The following CDH9 variants were observed in gnomAD, a reference collection of about 807,000 sequenced individuals.
CDH9 encodes the protein cadherin 9.
A neutral mutation model predicts 70.9 loss-of-function variants in CDH9; 28 were observed. The observed-to-expected ratio is 0.40, with a 90% CI of 0.29 to 0.54. CDH9 has a LOEUF of 0.54. CDH9 is among the 20% of genes least tolerant of loss of function. The probability of loss-of-function intolerance (pLI) is 0.59; values close to 1 mark genes in which losing one functional copy is unlikely to be tolerated. For synonymous variants in CDH9, 409 were observed against 343.1 expected (o/e 1.19, Z -2.12); for missense variants, 874 against 984.4 (o/e 0.89, Z 1.50).
chr5:26,884,407 A>T (rs907310805), intron 11 of CDH9, among the ~76,000 whole-genome samples: 1 of 152,154 alleles, frequency 6.6e-6, no homozygotes, highest in African/African-American at 2.4e-5. Flanking sequence ...TTCCTGAGCG[A>T]ATAAAACAAC....
At chr5:26,974,622 A>G (rs1303997120) in intron 2 of CDH9, among the ~76,000 whole-genome samples, 1 of 152,184 alleles carries the variant, frequency 6.6e-6, no homozygotes, top group Non-Finnish European at 1.5e-5. Context: ...TTTTTATAAA[A>G]TACAAAAGAC....
At chr5:26,985,666 T>G (rs942814861) in intron 2 of CDH9, among the ~76,000 whole-genome samples, 1 of 152,052 alleles carries the variant, frequency 6.6e-6, no homozygotes, top group Non-Finnish European at 1.5e-5. Flanking sequence ...ACCATGTAAA[T>G]TTCTTCCCAT....
chr5:26,947,586 T>C (rs1368539812), intron 2 of CDH9, among the ~76,000 whole-genome samples: 3 of 152,170 alleles, frequency 2.0e-5, no homozygotes, highest in African/African-American at 7.2e-5. Flanking sequence ...ACTTTCATCA[T>C]GAAAGGACAT....
chr5:27,021,186 A>G (rs13354230), intron 1 of CDH9, among the ~76,000 whole-genome samples: 12 of 151,814 alleles, frequency 7.9e-5, no homozygotes, highest in African/African-American at 2.9e-4. Context: ...AGGGAGCTAA[A>G]GCATTGTGTT....
intron 7 of CDH9, among the ~76,000 whole-genome samples, chr5:26,891,671 C>T (rs1007802442): frequency 9.5e-5 from 12 of 126,224 alleles, no homozygotes; most frequent in African/African-American, 3.7e-4. Flanking sequence ...GAGTGAGACT[C>T]CATCTCAAAA....
At chr5:26,950,244 C>T (rs558925700) in intron 2 of CDH9, among the ~76,000 whole-genome samples, 2 of 152,232 alleles carry the variant, frequency 1.3e-5, no homozygotes, top group South Asian at 4.2e-4. Flanking sequence ...TTGTTATGTC[C>T]ACAAACAAAA....
chr5:26,950,924 A>G (rs1423378359), intron 2 of CDH9, among the ~76,000 whole-genome samples: 1 of 152,184 alleles, frequency 6.6e-6, no homozygotes, highest in African/African-American at 2.4e-5. Context: ...AGAGATACTG[A>G]CTAAGCAAGA....
chr5:26,951,609 G>A (rs1741847042), intron 2 of CDH9, among the ~76,000 whole-genome samples: 1 of 152,136 alleles, frequency 6.6e-6, no homozygotes, highest in Non-Finnish European at 1.5e-5. Context: ...TTCTTTACAT[G>A]CCAGTGGAGA....
chr5:27,005,833 A>G (rs1742853377), intron 1 of CDH9, among the ~76,000 whole-genome samples: 1 of 152,192 alleles, frequency 6.6e-6, no homozygotes, highest in African/African-American at 2.4e-5. Context: ...AATACTGTGC[A>G]GCCATAAGAA....
chr5:26,917,655 C>T (rs1019111515), intron 2 of CDH9, among the ~76,000 whole-genome samples: 9 of 151,984 alleles, frequency 5.9e-5, no homozygotes, highest in African/African-American at 2.2e-4. Context: ...TGTAGCCTTC[C>T]CATCTCTGAA....
At chr5:26,934,440 C>T (rs79073033) in intron 2 of CDH9, among the ~76,000 whole-genome samples, 8 of 151,944 alleles carry the variant, frequency 5.3e-5, no homozygotes, top group African/African-American at 1.2e-4. Flanking sequence ...ACTCTAGCCT[C>T]GGCTACAGAA....
intron 1 of CDH9, among the ~76,000 whole-genome samples, chr5:27,038,057 G>A (rs981985083): frequency 1.6e-4 from 24 of 151,922 alleles, no homozygotes; most frequent in Non-Finnish European, 3.5e-4. Context: ...CAAAAGTTAT[G>A]AGAAGACCAG....
chr5:26,888,290 A>G (rs539464883), intron 9 of CDH9, among the ~76,000 whole-genome samples: 1 of 152,288 alleles, frequency 6.6e-6, no homozygotes, highest in South Asian at 2.1e-4. Context: ...TATAGATACA[A>G]TTTAATTTTT....
At chr5:26,951,686 T>C (rs1478984104) in intron 2 of CDH9, among the ~76,000 whole-genome samples, 1 of 152,196 alleles carries the variant, frequency 6.6e-6, no homozygotes, top group African/African-American at 2.4e-5. Context: ...TATTTTTCTC[T>C]GGATTGTATA....
At chr5:26,910,122 G>T (rs1741023510) in intron 3 of CDH9, among the ~76,000 whole-genome samples, 1 of 151,898 alleles carries the variant, frequency 6.6e-6, no homozygotes, top group African/African-American at 2.4e-5. Flanking sequence ...CTATATATTT[G>T]TGCCTTATAT....
intron 1 of CDH9, among the ~76,000 whole-genome samples, chr5:26,993,986 A>G (rs1425182474): frequency 6.6e-6 from 1 of 152,058 alleles, no homozygotes; most frequent in Non-Finnish European, 1.5e-5. Flanking sequence ...AATCTCATGG[A>G]GTTTGCCTTG....
intron 2 of CDH9, among the ~76,000 whole-genome samples, chr5:26,961,821 GC>G (rs1157586103): frequency 2.6e-5 from 4 of 151,896 alleles, no homozygotes; most frequent in Non-Finnish European, 5.9e-5. Context: ...TTATCCAGAA[GC>G]CCCCTTTTTT....
chr5:26,890,430 A>G lies in CDH9; in HGVS notation c.1388T>C (p.Ile463Thr). ...WHNITVTATEINNPKQSSHIP... is the reference protein window; with the variant it reads ...WHNITVTATETNNPKQSSHIP... Reference sequence around the variant, plus strand: ...GGGTAGATGTAGCTCCAACTTACTTATTTCTGTGGCTGTAACAGTGATGTT... The same window carrying G: ...GGGTAGATGTAGCTCCAACTTACTTGTTTCTGTGGCTGTAACAGTGATGTT... Residue 463 changes from isoleucine (I) to threonine (T), a missense_variant and splice_region_variant, in exon 8 of 12, where the codon ATA (isoleucine) becomes ACA (threonine). Coordinates refer to ENST00000231021, the MANE Select transcript of CDH9 (RefSeq NM_016279.4). 1 of 1,613,560 alleles carries G rather than the reference A, an allele frequency of 6.2e-7. No homozygotes were observed. The highest frequency in any genetic ancestry group is 8.5e-7 in the Non-Finnish European group (1 of 1,179,566).
At chr5:26,978,345 C>A (rs1467590795) in intron 2 of CDH9, among the ~76,000 whole-genome samples, 1 of 151,422 alleles carries the variant, frequency 6.6e-6, no homozygotes, top group Non-Finnish European at 1.5e-5. Context: ...AAAATTCTAA[C>A]AGATAATAAA....
Sources: allele counts gnomAD v4.1 joint callset (sites outside exome capture counted in the v4.1 genomes callset), GRCh38; gene constraint gnomAD v4.1.1; transcripts MANE v1.5; gene names NCBI Gene and HGNC (gene_info 2026-07-23, HGNC 2026-07-21).